HEATR9: variants seen among roughly 807,000 people sequenced by gnomAD.
HEATR9 encodes the protein protein HEATR9.
In HEATR9, 54 loss-of-function variants were observed where a neutral mutation model predicts 68.2. The ratio of observed to expected loss-of-function variants is 0.79; its 90% CI spans 0.64 to 0.99. The LOEUF (loss-of-function observed/expected upper bound fraction) is 0.99. Ranked by LOEUF, HEATR9 falls within the 50% of genes least tolerant of loss-of-function variation. HEATR9 has a pLI of 0.00. For synonymous variants in HEATR9, 241 were observed against 253.5 expected (o/e 0.95, Z 0.47); for missense variants, 662 against 679.7 (o/e 0.97, Z 0.29).
intron 11 of HEATR9, among the ~76,000 whole-genome samples, chr17:35,857,033 C>T (rs1012720513): frequency 6.6e-6 from 1 of 151,984 alleles, no homozygotes; most frequent in Non-Finnish European, 1.5e-5. Flanking sequence ...GGAAGACTTC[C>T]TGGAAGAGGT....
At chr17:35,866,248 A>C (rs2088194769) in intron 2 of HEATR9, among the ~76,000 whole-genome samples, 1 of 152,018 alleles carries the variant, frequency 6.6e-6, no homozygotes, top group Non-Finnish European at 1.5e-5. Flanking sequence ...AAAAAAAAAA[A>C]AGCTCCCCGC....
At position 35,854,994 on chromosome 17, in the gene HEATR9, T is replaced by C; in HGVS notation, c.*69A>G. 7.8e-7 allele frequency: 1 copy of C among 1,277,044 alleles called. No homozygotes were observed. The highest frequency in any genetic ancestry group is 1.1e-6 in the Non-Finnish European group (1 of 900,532). The allele number at this position is 1,277,044 out of a possible 1,614,324, so 79.1% of individuals were successfully genotyped here. ...TTTATTCACGGAAGATAAGTATAGA[T>C]TGTTTTCTCATGGGAGCCTGAGAAG... On this transcript the variant is annotated 3_prime_UTR_variant, in exon 15 of 15. Transcript: ENST00000604834.
intron 8 of HEATR9, among the ~76,000 whole-genome samples, chr17:35,859,931 G>C (rs2087916820): frequency 6.6e-6 from 1 of 152,144 alleles, no homozygotes; most frequent in South Asian, 2.1e-4. Context: ...AACTAGAAAG[G>C]AAGTTCCATA....
chr17:35,862,809 C>T, intron 8 of HEATR9, 186 bp downstream of exon 8: 1 of 755,384 alleles, frequency 1.3e-6, no homozygotes, highest in Non-Finnish European at 2.1e-6. Context: ...TTTGGCTTTT[C>T]AGAAATGGAC....
At chr17:35,857,746 A>G (rs191371988) in intron 11 of HEATR9, among the ~76,000 whole-genome samples, 1 of 152,178 alleles carries the variant, frequency 6.6e-6, no homozygotes, top group Admixed American at 6.5e-5. Flanking sequence ...GCAACAGAGC[A>G]AGACTCCGTC....
At chr17:35,856,850 G>A (rs1167967512) in intron 11 of HEATR9, 45 bp from the exon 12 acceptor site, 2 of 1,506,218 alleles carry the variant, frequency 1.3e-6, no homozygotes, top group Admixed American at 3.8e-5. Context: ...GGAATGCAAG[G>A]GTGTACACTT....
chr17:35,860,391 C>CAA (rs1291619732), intron 8 of HEATR9, among the ~76,000 whole-genome samples: 3 of 56,800 alleles, frequency 5.3e-5, no homozygotes, highest in African/African-American at 1.9e-4. Context: ...GACTCCGTCT[C>CAA]AAAAAAAAAA....
Position 35,861,175 on chromosome 17 carries a change from A to G in HEATR9, c.756+1820T>C, listed in dbSNP as rs188310494. ...TGCAAGAGGGGCTCGGATAAGATGG[A>G]TGTTTTGCTTGACTTCTTTGATATC... On this transcript the variant is annotated intron_variant, in intron 8 of 14. Transcript: ENST00000604834. 7.3e-3 allele frequency: 11,667 copies of G among 1,596,020 alleles called. 56 individuals are homozygous for G. The highest frequency in any genetic ancestry group is 8.7e-3 in the Non-Finnish European group (10,160 of 1,165,866).
intron 1 of HEATR9, among the ~76,000 whole-genome samples, chr17:35,867,579 C>T (rs182327618): frequency 1.6e-4 from 25 of 151,928 alleles, no homozygotes; most frequent in Non-Finnish European, 2.8e-4. Context: ...AAGGCCAAAG[C>T]GGGCAGATTG....
At chr17:35,855,586 A>AAT in intron 14 of HEATR9, 78 bp downstream of exon 14, 2 of 1,425,160 alleles carry the variant, frequency 1.4e-6, no homozygotes. Context: ...ACAAGGAGCA[A>AAT]ATGGTGGTGA....
chr17:35,861,538 G>A (rs552464999), intron 8 of HEATR9: 32 of 868,400 alleles, frequency 3.7e-5, no homozygotes, highest in African/African-American at 2.6e-4. Context: ...GATGGGCCTC[G>A]AAGAGAAATA....
At chr17:35,855,431 T>C in intron 14 of HEATR9, 21 bp from the exon 15 acceptor site, 2 of 1,597,170 alleles carry the variant, frequency 1.3e-6, no homozygotes, top group Non-Finnish European at 1.7e-6. Flanking sequence ...ACAAAGGTCC[T>C]AGTGCTGGCT....
intron 3 of HEATR9, 114 bp from the exon 4 acceptor site, chr17:35,865,004 G>T: frequency 7.1e-7 from 1 of 1,416,264 alleles, no homozygotes; most frequent in Non-Finnish European, 9.9e-7. Context: ...ACCAGAGGAA[G>T]ACAGATGAGG....
chr17:35,864,151 T>C (rs747784550), intron 6 of HEATR9, 95 bp downstream of exon 6: 1 of 1,040,408 alleles, frequency 9.6e-7, no homozygotes, highest in Non-Finnish European at 1.5e-6. Flanking sequence ...TGACCCGCCA[T>C]CCTAGCACCC....
chr17:35,861,280 A>C, intron 8 of HEATR9: 1 of 1,410,316 alleles, frequency 7.1e-7, no homozygotes, highest in East Asian at 2.3e-5. Flanking sequence ...GATCTCTTCA[A>C]CTCTCTTCAT....
intron 7 of HEATR9, 123 bp downstream of exon 7, chr17:35,863,378 AG>A: frequency 1.8e-6 from 2 of 1,097,234 alleles, no homozygotes; most frequent in South Asian, 1.3e-5. Flanking sequence ...TAACTGGGAT[AG>A]TTCTCAGGCC....
intron 6 of HEATR9, 179 bp from the exon 7 acceptor site, chr17:35,863,738 T>G (rs112913335): frequency 1.1e-5 from 7 of 660,442 alleles, no homozygotes; most frequent in African/African-American, 7.2e-5. Context: ...AACAATACAG[T>G]TGGGAGTTAG....
chr17:35,867,698 C>G (rs1007195954), intron 1 of HEATR9, among the ~76,000 whole-genome samples: 1 of 152,090 alleles, frequency 6.6e-6, no homozygotes, highest in African/African-American at 2.4e-5. Flanking sequence ...ACACAGATTT[C>G]TGGGACTCAT....
chr17:35,861,536 T>C, intron 8 of HEATR9: 1 of 880,970 alleles, frequency 1.1e-6, no homozygotes, highest in Non-Finnish European at 1.9e-6. Flanking sequence ...TAGATGGGCC[T>C]CGAAGAGAAA....
Sources: allele counts gnomAD v4.1 joint callset (sites outside exome capture counted in the v4.1 genomes callset), GRCh38; gene constraint gnomAD v4.1.1; transcripts MANE v1.5; gene names NCBI Gene and HGNC (gene_info 2026-07-23, HGNC 2026-07-21).